The following GRIA1 variants were observed in gnomAD, a reference collection of about 807,000 sequenced individuals.
GRIA1 encodes glutamate receptor 1.
A neutral mutation model predicts 99.2 loss-of-function variants in GRIA1; 31 were observed. That is an observed-to-expected ratio of 0.31 (90% CI 0.23 to 0.42). The LOEUF (loss-of-function observed/expected upper bound fraction) is 0.42. Among genes scored for constraint, GRIA1 ranks in the 10% least tolerant of loss-of-function variants. The pLI is 1.00. For missense variants in GRIA1, 782 were observed against 1,157.5 expected, an observed-to-expected ratio of 0.68 and a Z score of 4.71; for synonymous variants, 438 against 432.4, an observed-to-expected ratio of 1.01 and a Z score of -0.16.
At chr5:153,498,592 A>T (rs1166991605) in intron 2 of GRIA1, among the ~76,000 whole-genome samples, 1 of 152,226 alleles carries the variant, frequency 6.6e-6, no homozygotes, top group Non-Finnish European at 1.5e-5. Context: ...ACAAGACATT[A>T]GGCACTGGCA....
chr5:153,574,342 T>G (rs1421318530), intron 2 of GRIA1: 1 of 152,202 alleles, frequency 6.6e-6, no homozygotes, highest in African/African-American at 2.4e-5. Flanking sequence ...TGTTTATTTT[T>G]TTGAAGTGTT....
intron 2 of GRIA1, among the ~76,000 whole-genome samples, chr5:153,520,462 AAG>A (rs1757036350): frequency 1.3e-5 from 2 of 152,184 alleles, no homozygotes; most frequent in Admixed American, 1.3e-4. Flanking sequence ...CATAAGAAGA[AAG>A]GGGGATTTTG....
At chr5:153,670,068 G>T (rs951572993) in intron 5 of GRIA1, among the ~76,000 whole-genome samples, 1 of 152,162 alleles carries the variant, frequency 6.6e-6, no homozygotes, top group East Asian at 1.9e-4. Flanking sequence ...TTGCAAAAGT[G>T]CCTCAAGGTA....
At chr5:153,613,473 G>A (rs965591936) in intron 2 of GRIA1, among the ~76,000 whole-genome samples, 2 of 152,030 alleles carry the variant, frequency 1.3e-5, no homozygotes, top group African/African-American at 2.4e-5. Context: ...ATAGGTACTG[G>A]GTCTGTATCT....
chr5:153,650,629 G>A (rs989772806), intron 4 of GRIA1, 115 bp downstream of exon 4: 2 of 867,604 alleles, frequency 2.3e-6, no homozygotes, highest in African/African-American at 1.7e-5. Flanking sequence ...TTGACTAGGT[G>A]AGACTAAAAG....
At position 153,796,391 on chromosome 5, in the gene GRIA1, C is replaced by A. The variant is rs114562926; in HGVS notation, c.2385+1656C>A. The stretch of plus-strand genomic sequence containing the variant: ...ATAAAAAGTAGCAGCACTACTATCA[C>A]AAGTAGAAAGTCAGTACTTCTTGCA... On this transcript the variant is annotated intron_variant, in intron 14 of 15. Coordinates refer to ENST00000285900, the MANE Select transcript of GRIA1 (RefSeq NM_000827.4). 9.4e-3 allele frequency among the ~76,000 whole-genome samples: 1,428 copies of A among 152,218 alleles called. 9 individuals are homozygous for A. The highest frequency in any genetic ancestry group is 0.016 in the Non-Finnish European group (1,119 of 68,032).
intron 2 of GRIA1, among the ~76,000 whole-genome samples, chr5:153,613,896 C>T (rs1026490728): frequency 6.6e-6 from 1 of 152,184 alleles, no homozygotes; most frequent in Non-Finnish European, 1.5e-5. Flanking sequence ...CCCCCATCAG[C>T]CCTTGCACGC....
chr5:153,605,808 T>G (rs1018838429), intron 2 of GRIA1, among the ~76,000 whole-genome samples: 1 of 152,180 alleles, frequency 6.6e-6, no homozygotes, highest in African/African-American at 2.4e-5. Context: ...AGTTAATACC[T>G]TTTTTAAAAA....
intron 11 of GRIA1, among the ~76,000 whole-genome samples, chr5:153,731,471 TC>T (rs1761021167): frequency 1.3e-5 from 2 of 152,090 alleles, no homozygotes; most frequent in Admixed American, 6.6e-5. Flanking sequence ...GCTCCTGCCT[TC>T]AGGACTCCTG....
intron 2 of GRIA1, 72 bp downstream of exon 2, chr5:153,494,137 G>T (rs1052999963): frequency 1.5e-5 from 23 of 1,515,424 alleles, no homozygotes; most frequent in Non-Finnish European, 2.1e-5. Context: ...GTGGGTAGGT[G>T]GTGGTGTTGC....
Position 153,591,365 on chromosome 5 carries a change from C to T in GRIA1, c.221-55563C>T, listed in dbSNP as rs1327178066. Among the ~76,000 whole-genome samples the T allele has an allele frequency of 5.3e-5, 8 of 152,264 alleles. No individual in the cohort carries two copies. The South Asian group carries it at 8.3e-4, about 16-fold the overall frequency. Reference sequence around the variant, plus strand: ...GTGTTTGTGGAGCACTAATTTGTCACGCAGCATTGTGCTAGACATTCAAGA... The same window carrying T: ...GTGTTTGTGGAGCACTAATTTGTCATGCAGCATTGTGCTAGACATTCAAGA... On this transcript the variant is annotated intron_variant, in intron 2 of 15. Coordinates refer to ENST00000285900, the MANE Select transcript of GRIA1 (RefSeq NM_000827.4).
At chr5:153,502,183 A>T (rs1755068272) in intron 2 of GRIA1, among the ~76,000 whole-genome samples, 1 of 151,956 alleles carries the variant, frequency 6.6e-6, no homozygotes, top group Non-Finnish European at 1.5e-5. Flanking sequence ...CCCAGGTTTT[A>T]CTCACCTTGT....
chr5:153,626,905 T>G (rs775801502), intron 2 of GRIA1, among the ~76,000 whole-genome samples: 1 of 152,122 alleles, frequency 6.6e-6, no homozygotes, highest in Non-Finnish European at 1.5e-5. Context: ...GAGCCCCAGC[T>G]TAGGTGATTG....
At chr5:153,742,810 A>G (rs1761901142) in intron 11 of GRIA1, among the ~76,000 whole-genome samples, 1 of 152,048 alleles carries the variant, frequency 6.6e-6, no homozygotes, top group African/African-American at 2.4e-5. Context: ...TCCTCTTTCA[A>G]TCTTAAGGTC....
chr5:153,560,469 G>T (rs1463295088), intron 2 of GRIA1, among the ~76,000 whole-genome samples: 1 of 152,100 alleles, frequency 6.6e-6, no homozygotes, highest in Non-Finnish European at 1.5e-5. Flanking sequence ...TCAAGGGAGG[G>T]ACCAGGTGGG....
chr5:153,795,586 G>A lies in GRIA1; in HGVS notation c.2385+851G>A, dbSNP rs774119506. On this transcript the variant is annotated intron_variant, in intron 14 of 15. Transcript: ENST00000285900. ...GAATGTGGAAGCAAGGACTCCGGAA[G>A]TAAGGTCAGTCACCGGCTACAGAGG... 2.5e-6 allele frequency: 4 copies of A among 1,579,200 alleles called. No homozygotes were observed. In the South Asian group the frequency reaches 3.3e-5, roughly 13 times the overall value.
At chr5:153,650,853 G>C (rs1465481801) in intron 4 of GRIA1, among the ~76,000 whole-genome samples, 3 of 135,658 alleles carry the variant, frequency 2.2e-5, no homozygotes, top group Non-Finnish European at 4.7e-5. Context: ...GAGGTCAGGA[G>C]TTCAAGACCA....
intron 2 of GRIA1, among the ~76,000 whole-genome samples, chr5:153,579,847 C>G (rs1216167691): frequency 6.6e-6 from 1 of 151,916 alleles, no homozygotes; most frequent in South Asian, 2.1e-4. Flanking sequence ...GTATCAAGAC[C>G]CCTCAGCTCC....
chr5:153,527,575 C>T (rs575769463), intron 2 of GRIA1, among the ~76,000 whole-genome samples: 1 of 152,068 alleles, frequency 6.6e-6, no homozygotes, highest in Non-Finnish European at 1.5e-5. Context: ...GGAAGATCTG[C>T]CCTCAGTGGT....
Sources: allele counts gnomAD v4.1 joint callset (sites outside exome capture counted in the v4.1 genomes callset), GRCh38; gene constraint gnomAD v4.1.1; transcripts MANE v1.5; gene names NCBI Gene and HGNC (gene_info 2026-07-23, HGNC 2026-07-21).